KIZ: variants seen among roughly 807,000 people sequenced by gnomAD.
KIZ encodes kizuna centrosomal protein, also known as centrosomal protein kizuna.
In KIZ, 68 loss-of-function variants were observed where a neutral mutation model predicts 79.6. That is an observed-to-expected ratio of 0.85 (90% CI 0.70 to 1.05). The LOEUF (loss-of-function observed/expected upper bound fraction) is 1.05. Ranked by LOEUF, KIZ falls within the 50% of genes least tolerant of loss-of-function variation. KIZ has a pLI of 0.00. For synonymous variants in KIZ, 280 were observed against 281.8 expected (o/e 0.99, Z 0.06); for missense variants, 797 against 800.4 (o/e 1.00, Z 0.05).
In KIZ at chr20:21,126,165, A is replaced by G. The variant is rs775312973; in HGVS notation, c.50A>G (p.Tyr17Cys). The G allele has an allele frequency of 6.6e-7, 1 of 1,509,250 alleles. No homozygotes were observed. The highest frequency in any genetic ancestry group is 8.9e-7 in the Non-Finnish European group (1 of 1,127,370). 93.5% of individuals were successfully genotyped at this position (1,509,250 alleles called of 1,614,324 possible). A position where few individuals can be genotyped will look rare whatever the true frequency, so the allele number is the denominator to read the frequency against. Residue 17 changes from tyrosine (Y) to cysteine (C), a missense_variant, in exon 1 of 13, where the codon TAC (tyrosine) becomes TGC (cysteine). Coordinates refer to ENST00000619189, the MANE Select transcript of KIZ (RefSeq NM_018474.6). ...GTGCCCCTGTCGAGTCCCGACTACT[A>G]CGAGAGGCTGGGCCAACTCCAGCAC... ...SAVPLSSPDY[Y>C]ERLGQLQHGL...
At chr20:21,162,817 T>C (rs759257337) in intron 5 of KIZ, 33 bp from the exon 6 acceptor site, 1 of 1,564,540 alleles carries the variant, frequency 6.4e-7, no homozygotes, top group East Asian at 2.2e-5. Flanking sequence ...CTGAAGTCAG[T>C]GATTGGTAAT....
At chr20:21,237,082 G>A (rs932115334) in intron 11 of KIZ, among the ~76,000 whole-genome samples, 5 of 151,096 alleles carry the variant, frequency 3.3e-5, no homozygotes, top group Admixed American at 1.3e-4. Flanking sequence ...TGGGTGGACC[G>A]CCTGCAGTCA....
intron 6 of KIZ, among the ~76,000 whole-genome samples, chr20:21,164,594 A>G (rs375433186): frequency 4.4e-4 from 67 of 152,276 alleles, no homozygotes; most frequent in African/African-American, 1.6e-3. Context: ...CAAGGGGACT[A>G]ATACACTTAC....
At chr20:21,154,964 T>C (rs2033303940) in intron 4 of KIZ, among the ~76,000 whole-genome samples, 2 of 152,190 alleles carry the variant, frequency 1.3e-5, no homozygotes, top group South Asian at 4.1e-4. Context: ...ACGTTGCAAG[T>C]GTGGAGCTAG....
At chr20:21,126,452 A>G (rs1182464532) in intron 1 of KIZ, among the ~76,000 whole-genome samples, 2 of 152,176 alleles carry the variant, frequency 1.3e-5, no homozygotes, top group Middle Eastern at 3.4e-3. Context: ...AGCCTGGTCT[A>G]CGGTTTGAGG....
intron 6 of KIZ, among the ~76,000 whole-genome samples, chr20:21,204,092 A>C (rs58766655): frequency 0.014 from 2,100 of 147,374 alleles, 47 homozygotes; most frequent in African/African-American, 0.05. Context: ...CAATCCCCTT[A>C]AGAGTCATCT....
intron 11 of KIZ, among the ~76,000 whole-genome samples, chr20:21,242,589 G>A (rs1052907179): frequency 3.9e-5 from 6 of 151,912 alleles, no homozygotes; most frequent in Admixed American, 2.0e-4. Context: ...TGGCAGGACC[G>A]AGGGCCAGAC....
chr20:21,199,720 C>A (rs2035509707), intron 6 of KIZ, among the ~76,000 whole-genome samples: 1 of 152,218 alleles, frequency 6.6e-6, no homozygotes, highest in African/African-American at 2.4e-5. Flanking sequence ...GCTTTGTGAT[C>A]ATCACCTGGC....
intron 6 of KIZ, among the ~76,000 whole-genome samples, chr20:21,174,869 T>G (rs1403624987): frequency 6.6e-6 from 1 of 152,258 alleles, no homozygotes; most frequent in East Asian, 1.9e-4. Flanking sequence ...CTGAAAGTCA[T>G]GTGCCTGGAA....
chr20:21,166,589 C>T (rs142955315), intron 6 of KIZ: 209 of 1,329,896 alleles, frequency 1.6e-4, no homozygotes, highest in African/African-American at 3.2e-4. Context: ...GACATTCATG[C>T]GCACCATTGT....
At chr20:21,205,053 G>A (rs907483964) in intron 6 of KIZ, among the ~76,000 whole-genome samples, 1 of 152,116 alleles carries the variant, frequency 6.6e-6, no homozygotes, top group Non-Finnish European at 1.5e-5. Flanking sequence ...CGAGGCAGGT[G>A]GATTATTTAA....
At chr20:21,214,907 G>T (rs2036224546) in intron 8 of KIZ, among the ~76,000 whole-genome samples, 1 of 152,172 alleles carries the variant, frequency 6.6e-6, no homozygotes. Context: ...CTGTAAGTCT[G>T]TAGTTCTAGT....
chr20:21,230,194 A>G (rs992206341), intron 10 of KIZ, among the ~76,000 whole-genome samples: 7 of 152,192 alleles, frequency 4.6e-5, no homozygotes, highest in Admixed American at 3.9e-4. Flanking sequence ...GTCTTCTTCA[A>G]CCAGGCACAG....
At chr20:21,126,884 G>C (rs1335084205) in intron 1 of KIZ, among the ~76,000 whole-genome samples, 5 of 152,152 alleles carry the variant, frequency 3.3e-5, no homozygotes, top group African/African-American at 1.2e-4. Context: ...GAATAACCAC[G>C]TAAAAGATAA....
intron 10 of KIZ, among the ~76,000 whole-genome samples, chr20:21,230,208 C>T (rs1363864614): frequency 6.6e-6 from 1 of 152,218 alleles, no homozygotes; most frequent in Non-Finnish European, 1.5e-5. Context: ...GGCACAGTGG[C>T]TCATGCCTGT....
At chr20:21,186,928 G>A (rs2034897667) in intron 6 of KIZ, among the ~76,000 whole-genome samples, 1 of 151,798 alleles carries the variant, frequency 6.6e-6, no homozygotes, top group Non-Finnish European at 1.5e-5. Context: ...AGACAAACAA[G>A]CACTTGAATA....
intron 9 of KIZ, among the ~76,000 whole-genome samples, chr20:21,217,096 A>G (rs559067774): frequency 6.6e-6 from 1 of 151,976 alleles, no homozygotes. Context: ...GTTGGCAGTT[A>G]AAAAAAATGC....
chr20:21,145,265 G>A (rs1488780420), intron 3 of KIZ, among the ~76,000 whole-genome samples: 1 of 151,452 alleles, frequency 6.6e-6, no homozygotes, highest in Non-Finnish European at 1.5e-5. Context: ...GTATCAAACT[G>A]TATACATATA....
chr20:21,238,719 C>CA (rs1431329445), intron 11 of KIZ, among the ~76,000 whole-genome samples: 20 of 152,310 alleles, frequency 1.3e-4, no homozygotes, highest in African/African-American at 4.6e-4. Context: ...ATTCTGGTGT[C>CA]AGTCTCCTCA....
Sources: allele counts gnomAD v4.1 joint callset (sites outside exome capture counted in the v4.1 genomes callset), GRCh38; gene constraint gnomAD v4.1.1; transcripts MANE v1.5; gene names NCBI Gene and HGNC (gene_info 2026-07-23, HGNC 2026-07-21).